Variants in OR10H5 observed in about 807,000 individuals in gnomAD.
OR10H5 encodes the protein olfactory receptor 10H5.
In OR10H5, 7 loss-of-function variants were observed where a neutral mutation model predicts 12.2. The observed-to-expected ratio is 0.57, with a 90% CI of 0.33 to 1.07. OR10H5 has a LOEUF of 1.07. Ranked by LOEUF, OR10H5 falls within the 50% of genes least tolerant of loss-of-function variation. The pLI is 0.04. For synonymous variants in OR10H5, 159 were observed against 175.1 expected, an observed-to-expected ratio of 0.91 and a Z score of 0.73; for missense variants, 346 against 411.6, an observed-to-expected ratio of 0.84 and a Z score of 1.38.
intron 1 of OR10H5, among the ~76,000 whole-genome samples, chr19:15,793,655 T>C (rs757938824): frequency 8.6e-5 from 13 of 151,970 alleles, no homozygotes; most frequent in Non-Finnish European, 1.6e-4. Flanking sequence ...CTGAGGAAGG[T>C]GGATCACCTG....
In OR10H5 at chr19:15,794,045, C is replaced by T. The variant is rs200313992; in HGVS notation, c.-4C>T. ...CCTCTCTCCACCAACTAGGGGTGGCCGCCATGCAGGGGCTAAACCACACCT... is the reference window on the plus strand; with the variant it reads ...CCTCTCTCCACCAACTAGGGGTGGCTGCCATGCAGGGGCTAAACCACACCT... On this transcript the variant is annotated 5_prime_UTR_variant, in exon 2 of 2. Coordinates refer to ENST00000642092, the MANE Select transcript of OR10H5 (RefSeq NM_001004466.2). 65 of 1,608,006 alleles carry T rather than the reference C, an allele frequency of 4.0e-5. No homozygotes were observed. Among genetic ancestry groups the T allele is most frequent in the East Asian group, 4.0e-4 (18 of 44,780 alleles).
intron 1 of OR10H5, 100 bp from the exon 2 acceptor site, chr19:15,793,938 C>A: frequency 1.0e-6 from 1 of 993,294 alleles, no homozygotes; most frequent in Non-Finnish European, 1.5e-6. Context: ...ATGGCTTGGA[C>A]AGATGAAGAA....
At chr19:15,792,380 C>T (rs1012688971) in intron 1 of OR10H5, among the ~76,000 whole-genome samples, 2 of 152,096 alleles carry the variant, frequency 1.3e-5, no homozygotes, top group Non-Finnish European at 2.9e-5. Flanking sequence ...CTCAGAAAAC[C>T]TGGGTCTTTC....
chr19:15,799,705 T>TC lies in OR10H5; in HGVS notation c.*4709_*4710insC, dbSNP rs1194840664. The TC allele has an allele frequency of 6.6e-6, 1 of 151,038 alleles. No individual in the cohort carries two copies. The highest frequency in any genetic ancestry group is 1.5e-5 in the Non-Finnish European group (1 of 67,808). 9.4% of individuals were successfully genotyped at this position (151,038 alleles called of 1,614,324 possible). A position where few individuals can be genotyped will look rare whatever the true frequency, so the allele number is the denominator to read the frequency against. On this transcript the variant is annotated 3_prime_UTR_variant, in exon 2 of 2. Coordinates refer to ENST00000642092, the MANE Select transcript of OR10H5 (RefSeq NM_001004466.2). The stretch of plus-strand genomic sequence containing the variant: ...ATGTTCATTGAATGTCTTTTTTTTT[T>TC]TTTGAGAGAGAGAGAGAGAGAGAAA...
At chr19:15,787,910 C>T (rs2088789733) in intron 1 of OR10H5, among the ~76,000 whole-genome samples, 194 bp downstream of exon 1, 1 of 152,142 alleles carries the variant, frequency 6.6e-6, no homozygotes, top group Non-Finnish European at 1.5e-5. Flanking sequence ...TGACTCCAGG[C>T]TGGATCAGCC....
chr19:15,793,431 T>A lies in OR10H5; in HGVS notation c.-11-607T>A, dbSNP rs183261615. On this transcript the variant is annotated intron_variant, in intron 1 of 1. Transcript: ENST00000642092. ...CCACCATGCCTGGCTAATTTTTTTT[T>A]AAATTTTTATTTTGTAGAGATGGAG... is the stretch of plus-strand genomic sequence containing the variant. 5.4e-3 allele frequency among the ~76,000 whole-genome samples: 818 copies of A among 152,198 alleles called. 8 individuals carry two copies. Among genetic ancestry groups the A allele is most frequent in the African/African-American group, 0.017 (716 of 41,528 alleles).
intron 1 of OR10H5, among the ~76,000 whole-genome samples, chr19:15,791,961 G>A (rs899748231): frequency 1.3e-5 from 2 of 151,772 alleles, no homozygotes; most frequent in African/African-American, 4.8e-5. Context: ...CCAAAGTGCT[G>A]GGATTACAGG....
rs72995365 is a variant in OR10H5 at position 15,798,168 on chromosome 19, C to T, written c.*3172C>T. On this transcript the variant is annotated 3_prime_UTR_variant, in exon 2 of 2. Coordinates refer to ENST00000642092, the MANE Select transcript of OR10H5 (RefSeq NM_001004466.2). ...ATCTCCCCACAAAGGAAAAACAAAA[C>T]GCTTGCATTTTTCCCTCAAAAGACT... 0.083 allele frequency: 12,495 copies of T among 150,652 alleles called. 587 individuals are homozygous for T. Among genetic ancestry groups the T allele is most frequent in the Middle Eastern group, 0.12 (35 of 292 alleles). 9.3% of individuals were successfully genotyped at this position (150,652 alleles called of 1,614,324 possible).
rs2088826259 is a variant in OR10H5 at position 15,794,342 on chromosome 19, C to T, written c.294C>T (p.Ala98=). The T allele has an allele frequency of 5.0e-6, 8 of 1,614,186 alleles. No individual in the cohort carries two copies. Among genetic ancestry groups the T allele is most frequent in the Middle Eastern group, 3.3e-4 (2 of 6,062 alleles). ...TQRSIAFLAC[A]SQMFFSFSFG... is the part of the protein sequence containing the mutation. ...GCTCCATCGCCTTCCTGGCCTGTGCCAGTCAGATGTTCTTCTCCTTCAGCT... is the reference window on the plus strand; with the variant it reads ...GCTCCATCGCCTTCCTGGCCTGTGCTAGTCAGATGTTCTTCTCCTTCAGCT... The change falls in exon 2 of 2, where the codon GCC becomes GCT. Residue 98 remains alanine, a synonymous_variant. Transcript: ENST00000642092.
chr19:15,792,372 C>A (rs899828205), intron 1 of OR10H5, among the ~76,000 whole-genome samples: 2 of 152,124 alleles, frequency 1.3e-5, no homozygotes, highest in South Asian at 4.1e-4. Flanking sequence ...TCAGAATGCT[C>A]AGAAAACCTG....
intron 1 of OR10H5, among the ~76,000 whole-genome samples, chr19:15,788,752 C>G: frequency 6.6e-6 from 1 of 152,200 alleles, no homozygotes; most frequent in Non-Finnish European, 1.5e-5. Context: ...CCACCTTGGT[C>G]TCCCACAGTG....
rs575365825 is a variant in OR10H5, at chr19:15,794,298, G to A, written c.250G>A (p.Asp84Asn). 1.4e-5 allele frequency: 22 copies of A among 1,613,442 alleles called. No homozygotes were observed. Among genetic ancestry groups the A allele is most frequent in the East Asian group, 4.5e-5 (2 of 44,860 alleles). Reference protein sequence around the residue: ...TVAIIPRMLADLLSTQRSIAF... With the variant: ...TVAIIPRMLANLLSTQRSIAF... ...GGCCATCATCCCGCGCATGCTGGCC[G>A]ACCTGCTGTCCACCCAGCGCTCCAT... The change falls in exon 2 of 2, where the codon GAC (aspartate) becomes AAC (asparagine). Residue 84 changes from aspartate to asparagine, a missense_variant. Physicochemically the swap from Asp to Asn is conservative, Grantham distance 23. Transcript: ENST00000642092.
At position 15,794,205 on chromosome 19, in the gene OR10H5, C is replaced by T. The variant is rs766738019; in HGVS notation, c.157C>T (p.Arg53Cys). ...CATCATGGCCACTGTCTGGAGCGAG[C>T]GCAGCCTCCACATGCCCATGTACCT... ...LLIMATVWSE[R>C]SLHMPMYLFL... is the part of the protein sequence containing the mutation. The change falls in exon 2 of 2, where the codon CGC becomes TGC. Residue 53 changes from arginine (R) to cysteine (C), a missense_variant. By Grantham distance (180) the Arg-to-Cys change is radical. Transcript: ENST00000642092. 31 of 1,614,044 alleles carry T rather than the reference C, an allele frequency of 1.9e-5. No individual in the cohort carries two copies. Among genetic ancestry groups the T allele is most frequent in the South Asian group, 1.9e-4 (17 of 91,080 alleles).
In OR10H5 at chr19:15,794,464, G is replaced by A. The variant is rs371727861; in HGVS notation, c.416G>A (p.Arg139Gln). The A allele has an allele frequency of 3.6e-5, 58 of 1,614,102 alleles. No homozygotes were observed. Among genetic ancestry groups the A allele is most frequent in the South Asian group, 1.1e-4 (10 of 91,086 alleles). Residue 139 changes from arginine to glutamine, a missense_variant, in exon 2 of 2, where the codon CGG (arginine) becomes CAG (glutamine). Coordinates refer to ENST00000642092, the MANE Select transcript of OR10H5 (RefSeq NM_001004466.2). ...CGTTACAACGTGCTCATGAGCCTGCGGGGCTGCACCTGCCGGGTGGGCTGC... is the reference window on the plus strand; with the variant it reads ...CGTTACAACGTGCTCATGAGCCTGCAGGGCTGCACCTGCCGGGTGGGCTGC... Reference protein sequence around the residue: ...PLRYNVLMSLRGCTCRVGCSW... With the variant: ...PLRYNVLMSLQGCTCRVGCSW...
Position 15,796,318 on chromosome 19 carries a change from GA to G in OR10H5, c.*1325del, listed in dbSNP as rs2088839813. 1 of 152,222 alleles carries G rather than the reference GA, an allele frequency of 6.6e-6. No homozygotes were observed. Among genetic ancestry groups the G allele is most frequent in the South Asian group, 2.1e-4 (1 of 4,834 alleles). The allele number at this position is 152,222 out of a possible 1,614,324, so 9.4% of individuals were successfully genotyped here. A position where few individuals can be genotyped will look rare whatever the true frequency, so the allele number is the denominator to read the frequency against. On this transcript the variant is annotated 3_prime_UTR_variant, in exon 2 of 2. Coordinates refer to ENST00000642092, the MANE Select transcript of OR10H5 (RefSeq NM_001004466.2). ...CACCAATGGAGTGAGCCCAGAACTAGAAATATGCTGTCTCTATGGGTTTAGG... is the reference window on the plus strand; with the variant it reads ...CACCAATGGAGTGAGCCCAGAACTAGAATATGCTGTCTCTATGGGTTTAGG...
Position 15,794,582 on chromosome 19 carries a change from C to T in OR10H5, c.534C>T (p.Phe178=). The change falls in exon 2 of 2, where the codon TTC becomes TTT. Residue 178 remains phenylalanine (F), a synonymous_variant. Transcript: ENST00000642092. ...FCGHKEIHHF[F]CHVPPLLKLA... is the part of the protein sequence containing the mutation. ...GACACAAGGAGATCCACCATTTCTT[C>T]TGCCACGTGCCACCTCTGTTGAAGT... 6.2e-7 allele frequency: 1 copy of T among 1,614,202 alleles called. No homozygotes were observed.
intron 1 of OR10H5, among the ~76,000 whole-genome samples, chr19:15,790,664 A>G (rs933748158): frequency 1.3e-5 from 2 of 151,994 alleles, no homozygotes; most frequent in South Asian, 2.1e-4. Flanking sequence ...CAGATGAGGG[A>G]GAGGAGGGAT....
rs1456180311 is a variant in OR10H5, at chr19:15,799,541, C to T, written c.*4545C>T. The T allele has an allele frequency of 1.3e-5, 2 of 152,074 alleles. No individual in the cohort carries two copies. Among genetic ancestry groups the T allele is most frequent in the African/African-American group, 4.8e-5 (2 of 41,384 alleles). 9.4% of individuals were successfully genotyped at this position (152,074 alleles called of 1,614,324 possible). ...CAAAAGTTCAGTGAAAACACAGCCA[C>T]ATCTGTGTTTTCTCTGTGTTAGTAT... On this transcript the variant is annotated 3_prime_UTR_variant, in exon 2 of 2. Transcript: ENST00000642092.
rs776080344 is a variant in OR10H5, at chr19:15,794,666, G to A, written c.618G>A (p.Thr206=). ...VAKGVGLVCI[T]ALLGCFLLIL... is the part of the protein sequence containing the mutation. ...AAGGCGTGGGCTTGGTGTGTATCAC[G>A]GCCCTGCTGGGCTGTTTTCTCCTCA... The change falls in exon 2 of 2, where the codon ACG becomes ACA. Residue 206 remains threonine (T), a synonymous_variant. Coordinates refer to ENST00000642092, the MANE Select transcript of OR10H5 (RefSeq NM_001004466.2). The A allele has an allele frequency of 1.7e-5, 27 of 1,613,968 alleles. No individual in the cohort carries two copies. Among genetic ancestry groups the A allele is most frequent in the East Asian group, 2.2e-5 (1 of 44,894 alleles).
Sources: allele counts gnomAD v4.1 joint callset (sites outside exome capture counted in the v4.1 genomes callset), GRCh38; gene constraint gnomAD v4.1.1; transcripts MANE v1.5; gene names NCBI Gene and HGNC (gene_info 2026-07-23, HGNC 2026-07-21).